BST1: variants seen among roughly 807,000 people sequenced by gnomAD.
BST1 encodes the protein ADP-ribosyl cyclase/cyclic ADP-ribose hydrolase 2.
Under a neutral mutation model 40.6 loss-of-function variants are expected in BST1, and 49 were observed. The observed-to-expected ratio is 1.21, with a 90% CI of 0.96 to 1.53. BST1 has a LOEUF of 1.53. Ranked by LOEUF, BST1 falls within the 40% of genes most tolerant of loss-of-function variation. The pLI is 0.00. For missense variants in BST1, 423 were observed against 395.9 expected, an observed-to-expected ratio of 1.07 and a Z score of -0.58; for synonymous variants, 157 against 159.3, an observed-to-expected ratio of 0.99 and a Z score of 0.11.
chr4:15,709,531 C>A (rs1388886629), intron 3 of BST1, among the ~76,000 whole-genome samples: 1 of 152,088 alleles, frequency 6.6e-6, no homozygotes, highest in Non-Finnish European at 1.5e-5. Flanking sequence ...GATGATGCTG[C>A]AGAGGGTGGG....
At chr4:15,727,580 A>C (rs1170199327) in intron 8 of BST1, among the ~76,000 whole-genome samples, 2 of 152,244 alleles carry the variant, frequency 1.3e-5, no homozygotes, top group African/African-American at 2.4e-5. Context: ...ATTTTCACCT[A>C]AACTTTCTTG....
chr4:15,705,814 G>A (rs186036840), intron 2 of BST1, among the ~76,000 whole-genome samples, 173 bp downstream of exon 2: 134 of 152,336 alleles, frequency 8.8e-4, no homozygotes, highest in African/African-American at 2.6e-3. Flanking sequence ...CTTTGTTTCT[G>A]TATTAGTCCG....
chr4:15,703,917 G>A (rs1230779707), intron 1 of BST1, among the ~76,000 whole-genome samples: 3 of 143,030 alleles, frequency 2.1e-5, no homozygotes, highest in Non-Finnish European at 3.1e-5. Flanking sequence ...CTAGAGGTGA[G>A]GGGTGTGTGT....
downstream of BST1, among the ~76,000 whole-genome samples, chr4:15,736,543 G>A (rs11943501): frequency 0.13 from 19,438 of 151,640 alleles, 1,324 homozygotes; most frequent in African/African-American, 0.14. Context: ...CAAGGACACA[G>A]AGGTTGCAGT....
chr4:15,718,444 G>A (rs1720628792), intron 6 of BST1, among the ~76,000 whole-genome samples: 1 of 152,050 alleles, frequency 6.6e-6, no homozygotes, highest in South Asian at 2.1e-4. Flanking sequence ...GTGAGATTTG[G>A]GGTAATTTTT....
At chr4:15,719,541 G>A (rs182552301) in intron 7 of BST1, among the ~76,000 whole-genome samples, 2 of 152,168 alleles carry the variant, frequency 1.3e-5, no homozygotes, top group East Asian at 3.9e-4. Flanking sequence ...AAGCCCTAAG[G>A]TAGTTGCAAG....
chr4:15,741,549 T>G (rs1367410292), downstream of BST1, among the ~76,000 whole-genome samples: 1 of 152,190 alleles, frequency 6.6e-6, no homozygotes, highest in Non-Finnish European at 1.5e-5. Context: ...CACAGCCTTA[T>G]TGAGAGCATG....
the BST1 span, among the ~76,000 whole-genome samples, chr4:15,743,974 C>T: frequency 6.6e-6 from 1 of 152,214 alleles, no homozygotes; most frequent in Non-Finnish European, 1.5e-5. Flanking sequence ...GTGGCTATCT[C>T]CATCACAGCT....
intron 8 of BST1, among the ~76,000 whole-genome samples, chr4:15,723,144 T>C (rs1429101854): frequency 2.0e-5 from 3 of 152,228 alleles, no homozygotes; most frequent in African/African-American, 4.8e-5. Context: ...CTGTGAGCTT[T>C]CTTCACTTGC....
intron 2 of BST1, 45 bp downstream of exon 2, chr4:15,705,686 A>G (rs1560276336): frequency 3.7e-6 from 6 of 1,606,562 alleles, no homozygotes; most frequent in Non-Finnish European, 5.1e-6. Flanking sequence ...CTCTGTCTCT[A>G]CAGAAATGGA....
downstream of BST1, chr4:15,743,293 C>T (rs1261534009): frequency 1.3e-5 from 4 of 298,856 alleles, no homozygotes; most frequent in South Asian, 3.8e-5. Context: ...ACAGACATAC[C>T]GACCAAACAG....
At chr4:15,754,229 G>A in the BST1 span, among the ~76,000 whole-genome samples, 2 of 152,150 alleles carry the variant, frequency 1.3e-5, no homozygotes, top group African/African-American at 4.8e-5. Flanking sequence ...ATATTGAGAG[G>A]GAGGCTCTTT....
the BST1 span, among the ~76,000 whole-genome samples, chr4:15,769,172 G>A: frequency 1.3e-5 from 2 of 152,328 alleles, no homozygotes; most frequent in Admixed American, 6.5e-5. Context: ...ACAGATGCTT[G>A]TTGATAGATG....
chr4:15,767,282 C>T, the BST1 span, among the ~76,000 whole-genome samples: 1 of 151,926 alleles, frequency 6.6e-6, no homozygotes, highest in African/African-American at 2.4e-5. Context: ...CTGGTGGCTG[C>T]ACAGTTTGAA....
chr4:15,705,370 T>C (rs771734743), intron 1 of BST1, 145 bp from the exon 2 acceptor site: 18 of 943,184 alleles, frequency 1.9e-5, no homozygotes, highest in Admixed American at 1.3e-4. Flanking sequence ...ACCTAAGCCA[T>C]GACAATTCGT....
chr4:15,770,641 G>A, the BST1 span, among the ~76,000 whole-genome samples: 2 of 152,110 alleles, frequency 1.3e-5, no homozygotes, highest in Admixed American at 6.5e-5. Context: ...CAGAGGTTGC[G>A]GTGAGCCGAG....
chr4:15,757,544 A>C, the BST1 span, among the ~76,000 whole-genome samples: 1 of 152,074 alleles, frequency 6.6e-6, no homozygotes, highest in African/African-American at 2.4e-5. Flanking sequence ...TCCCCTGTTA[A>C]AGAAAACTTC....
At chr4:15,736,518 G>A (rs1032423072), downstream of BST1, among the ~76,000 whole-genome samples, 6 of 151,674 alleles carry the variant, frequency 4.0e-5, no homozygotes, top group Non-Finnish European at 7.4e-5. Context: ...GTTGAGGCAG[G>A]AGAACTGCTT....
chr4:15,754,768 G>T, the BST1 span, among the ~76,000 whole-genome samples: 1 of 152,066 alleles, frequency 6.6e-6, no homozygotes, highest in African/African-American at 2.4e-5. Flanking sequence ...TATACACATG[G>T]CTTAAAAATA....
Sources: allele counts gnomAD v4.1 joint callset (sites outside exome capture counted in the v4.1 genomes callset), GRCh38; gene constraint gnomAD v4.1.1; transcripts MANE v1.5; gene names NCBI Gene and HGNC (gene_info 2026-07-23, HGNC 2026-07-21).